DQX1: variants seen among roughly 807,000 people sequenced by gnomAD.
DQX1 encodes DEAQ-box RNA dependent ATPase 1, also known as ATP-dependent RNA helicase homolog DQX1.
A neutral mutation model predicts 81.3 loss-of-function variants in DQX1; 66 were observed. That is an observed-to-expected ratio of 0.81 (90% CI 0.67 to 1.00). The LOEUF is 1.00. Ranked by LOEUF, DQX1 falls within the 50% of genes least tolerant of loss-of-function variation. The pLI, the probability that DQX1 is intolerant of heterozygous loss-of-function variation, is 0.00. For synonymous variants in DQX1, 290 were observed against 350.0 expected (o/e 0.83, Z 1.91); for missense variants, 798 against 867.9 (o/e 0.92, Z 1.01).
Position 74,518,718 on chromosome 2 carries a change from C to A in DQX1, c.1998-116G>T. 3.0e-6 allele frequency: 3 copies of A among 1,004,884 alleles called. No homozygotes were observed. The East Asian group carries it at 7.7e-5, about 26-fold the overall frequency. The allele number at this position is 1,004,884 out of a possible 1,614,324, so 62.2% of individuals were successfully genotyped here. On this transcript the variant is annotated intron_variant, in intron 11 of 11. Transcript: ENST00000404568. Reference sequence around the variant, plus strand: ...CTGGAGTTCAGTGGCATGATCATAACTCACTGTAGCCTTAGACTCCCGTAA... The same window carrying A: ...CTGGAGTTCAGTGGCATGATCATAAATCACTGTAGCCTTAGACTCCCGTAA...
chr2:74,519,105 G>A lies in DQX1; in HGVS notation c.1932C>T (p.Leu644=). 1 of 1,610,430 alleles carries A rather than the reference G, an allele frequency of 6.2e-7. No homozygotes were observed. Residue 644 remains leucine, a synonymous_variant, in exon 11 of 12, where the codon CTC becomes CTT. Transcript: ENST00000404568. ...RAPARPPPWV[L]YHNFTISKDN... ...CTTTGGATATGGTGAAATTGTGGTAGAGCACCCATGGTGGGGGTCTGGCAG... is the reference window on the plus strand; with the variant it reads ...CTTTGGATATGGTGAAATTGTGGTAAAGCACCCATGGTGGGGGTCTGGCAG...
At chr2:74,518,734 A>T in intron 11 of DQX1, 132 bp from the exon 12 acceptor site, 1 of 885,350 alleles carries the variant, frequency 1.1e-6, no homozygotes, top group Non-Finnish European at 1.7e-6. Flanking sequence ...GTAGCCTTAG[A>T]CTCCCGTAAT....
Position 74,519,704 on chromosome 2 carries a change from C to T in DQX1, c.1658G>A (p.Trp553Ter). The change falls in exon 10 of 12, where the codon TGG becomes TAG. Residue 553 changes from tryptophan to a stop codon, truncating the protein, a stop_gained. Transcript: ENST00000404568. LOFTEE classifies it high-confidence loss of function. The stretch of plus-strand genomic sequence containing the variant: ...TTTATGGGCTTGGCACAATGCTGCC[C>T]AATTCAGACCTCGAGCCTGGCACCA... The part of the protein sequence containing the change: ...EAWCQARGLN[W>*]AALCQAHKLR... 6.2e-7 allele frequency: 1 copy of T among 1,614,198 alleles called. No homozygotes were observed. The highest frequency in any genetic ancestry group is 8.5e-7 in the Non-Finnish European group (1 of 1,180,046).
intron 8 of DQX1, 73 bp downstream of exon 8, chr2:74,522,507 C>T (rs1675054305): frequency 1.9e-6 from 3 of 1,542,164 alleles, no homozygotes; most frequent in Non-Finnish European, 1.8e-6. Flanking sequence ...GGGCTAGCCT[C>T]AGGAGCACCA....
intron 10 of DQX1, 34 bp from the exon 11 acceptor site, chr2:74,519,264 TAAAAG>T (rs1210709548): frequency 1.3e-6 from 2 of 1,525,922 alleles, no homozygotes; most frequent in Non-Finnish European, 1.8e-6. Context: ...ACGGAATAAA[TAAAAG>T]GGAAGAGGCA....
At position 74,524,008 on chromosome 2, in the gene DQX1, C is replaced by T. The variant is rs775299395; in HGVS notation, c.731G>A (p.Arg244Gln). 2.6e-5 allele frequency: 42 copies of T among 1,614,048 alleles called. No individual in the cohort carries two copies. The highest frequency in any genetic ancestry group is 2.5e-4 in the Admixed American group (15 of 60,014). The change falls in exon 4 of 12, where the codon CGG becomes CAG. Residue 244 changes from arginine (R) to glutamine (Q), a missense_variant. By Grantham distance (43) the Arg-to-Gln change is conservative. Transcript: ENST00000404568. ...PIYWDTIPPD[R>Q]VEAACQAVLE... ...CACTGCTTGGCAGGCAGCTTCCACC[C>T]GATCAGGTGGGATGGTGTCCCAGTA...
At position 74,522,852 on chromosome 2, in the gene DQX1, TC is replaced by T; in HGVS notation, c.1303+3del. 6.2e-7 allele frequency: 1 copy of T among 1,613,066 alleles called. No homozygotes were observed. Among genetic ancestry groups the T allele is most frequent in the Non-Finnish European group, 8.5e-7 (1 of 1,179,116 alleles). On this transcript the variant is annotated splice_donor_region_variant and intron_variant, in intron 7 of 11. Transcript: ENST00000404568. ...GGCAGTGCTTGGGCAGGAGAGGTGCTCACCAGGCTGGTCCAGGAAGTGACAC... is the reference window on the plus strand; with the variant it reads ...GGCAGTGCTTGGGCAGGAGAGGTGCTACCAGGCTGGTCCAGGAAGTGACAC...
chr2:74,521,140 T>TTA (rs1480388445), intron 8 of DQX1, among the ~76,000 whole-genome samples: 2 of 151,998 alleles, frequency 1.3e-5, no homozygotes, highest in African/African-American at 2.4e-5. Flanking sequence ...ATGAATATAT[T>TTA]TATATATATA....
At position 74,520,018 on chromosome 2, in the gene DQX1, G is replaced by C. The variant is rs1410952099; in HGVS notation, c.1512C>G (p.Thr504=). The change falls in exon 9 of 12, where the codon ACC becomes ACG. Residue 504 remains threonine (T), a synonymous_variant. Transcript: ENST00000404568. ...CTTCTTCTGCACTGAGTGGAGGACGGGTAAACCCAGGGGCAGCTGGAGGCA... is the reference window on the plus strand; with the variant it reads ...CTTCTTCTGCACTGAGTGGAGGACGCGTAAACCCAGGGGCAGCTGGAGGCA... ...AAMLTAAPGF[T]RPPLSAEEAA... The C allele has an allele frequency of 1.9e-6, 3 of 1,613,294 alleles. No homozygotes were observed. Among genetic ancestry groups the C allele is most frequent in the South Asian group, 2.2e-5 (2 of 91,024 alleles).
Position 74,524,329 on chromosome 2 carries a change from A to T in DQX1, c.432-22T>A, listed in dbSNP as rs746835903. ...GAACCTGTTGACATTGGTAGTGGGC[A>T]GAGGAATCAGTGTGGACACTGACCA... On this transcript the variant is annotated intron_variant, in intron 3 of 11. Coordinates refer to ENST00000404568, the MANE Select transcript of DQX1 (RefSeq NM_133637.3). 3.8e-6 allele frequency: 6 copies of T among 1,598,584 alleles called. No homozygotes were observed. The Admixed American group carries it at 5.0e-5, about 13-fold the overall frequency.
Position 74,525,001 on chromosome 2 carries a change from G to GC in DQX1, c.431+7dup. ...TTATATTCGGGTAAGGCCTGCAGAG[G>GC]CCCCCACCTGAGCAGGGTGTTGGGC... On this transcript the variant is annotated splice_region_variant and intron_variant, in intron 3 of 11. Coordinates refer to ENST00000404568, the MANE Select transcript of DQX1 (RefSeq NM_133637.3). This position sits in a 1 kb window ranked among gnomAD's most constrained non-coding sequence, Gnocchi z 4.1. 6.2e-7 allele frequency: 1 copy of GC among 1,610,834 alleles called. No homozygotes were observed. Among genetic ancestry groups the GC allele is most frequent in the Non-Finnish European group, 8.5e-7 (1 of 1,177,972 alleles).
In DQX1 at chr2:74,519,023, G is replaced by C. The variant is rs757360878; in HGVS notation, c.1997+17C>G. On this transcript the variant is annotated intron_variant, in intron 11 of 11. Transcript: ENST00000404568. Reference sequence around the variant, plus strand: ...GGAGAGGAATAGGCAGTATAGGAGGGATGTCAGGGAACTCACATCTGTGGT... The same window carrying C: ...GGAGAGGAATAGGCAGTATAGGAGGCATGTCAGGGAACTCACATCTGTGGT... The C allele has an allele frequency of 6.4e-7, 1 of 1,557,026 alleles. No individual in the cohort carries two copies. The highest frequency in any genetic ancestry group is 2.3e-5 in the East Asian group (1 of 44,280).
chr2:74,522,036 A>G (rs1266821726), intron 8 of DQX1, among the ~76,000 whole-genome samples: 1 of 152,226 alleles, frequency 6.6e-6, no homozygotes, highest in East Asian at 1.9e-4. Flanking sequence ...AGCTCAAGGA[A>G]AAGATAAAGG....
chr2:74,525,618 G>C lies in DQX1; in HGVS notation c.112C>G (p.Leu38Val), dbSNP rs1433991788. The C allele has an allele frequency of 5.2e-6, 8 of 1,551,696 alleles. No individual in the cohort carries two copies. The highest frequency in any genetic ancestry group is 7.0e-6 in the Non-Finnish European group (8 of 1,147,030). Residue 38 changes from leucine (L) to valine (V), a missense_variant, in exon 2 of 12, where the codon CTG (leucine) becomes GTG (valine). Coordinates refer to ENST00000404568, the MANE Select transcript of DQX1 (RefSeq NM_133637.3). This position sits in a 1 kb window ranked among gnomAD's most constrained non-coding sequence, Gnocchi z 4.1. The part of the protein sequence containing the change: ...GLPFSSRYYE[L>V]LKQRQALPIW... ...GGCAAGGCTTGGCGCTGCTTCAGCA[G>C]CTCATAGTAGCGGGAAGAGAAGGGA...
At chr2:74,524,915 G>A (rs1675130717) in intron 3 of DQX1, 94 bp downstream of exon 3, 3 of 1,408,510 alleles carry the variant, frequency 2.1e-6, no homozygotes, top group South Asian at 1.3e-5. Context: ...AGTGAGTTGG[G>A]CTAAGGGAGG....
Position 74,519,684 on chromosome 2 carries a change from G to A in DQX1, c.1678C>T (p.His560Tyr), listed in dbSNP as rs1674974360. The A allele has an allele frequency of 1.2e-6, 2 of 1,614,056 alleles. No homozygotes were observed. Among genetic ancestry groups the A allele is most frequent in the African/African-American group, 1.3e-5 (1 of 74,906 alleles). Reference sequence around the variant, plus strand: ...TCTAGGAGTTCTCCCCGAAGTTTATGGGCTTGGCACAATGCTGCCCAATTC... The same window carrying A: ...TCTAGGAGTTCTCCCCGAAGTTTATAGGCTTGGCACAATGCTGCCCAATTC... ...GLNWAALCQA[H>Y]KLRGELLELM... The change falls in exon 10 of 12, where the codon CAT (histidine) becomes TAT (tyrosine). Residue 560 changes from histidine to tyrosine, a missense_variant. Transcript: ENST00000404568.
intron 8 of DQX1, among the ~76,000 whole-genome samples, chr2:74,522,271 A>G (rs1675048632): frequency 6.6e-6 from 1 of 152,200 alleles, no homozygotes; most frequent in Non-Finnish European, 1.5e-5. Flanking sequence ...TGGGTGAGCA[A>G]TACACCAGTT....
chr2:74,518,389 C>T lies in DQX1; in HGVS notation c.*57G>A. The stretch of plus-strand genomic sequence containing the variant: ...TCTGTCTGGGTGCTTTGGTGTCACC[C>T]TGAGGGATAATCTAATGTGATGAGA... On this transcript the variant is annotated 3_prime_UTR_variant, in exon 12 of 12. Transcript: ENST00000404568. The T allele has an allele frequency of 6.3e-7, 1 of 1,590,554 alleles. No homozygotes were observed. The highest frequency in any genetic ancestry group is 8.6e-7 in the Non-Finnish European group (1 of 1,164,526).
At chr2:74,522,020 A>G (rs979775338) in intron 8 of DQX1, among the ~76,000 whole-genome samples, 1 of 152,368 alleles carries the variant, frequency 6.6e-6, no homozygotes, top group African/African-American at 2.4e-5. Context: ...TAAGAAGAGG[A>G]CAAAGAGCTC....
Sources: allele counts gnomAD v4.1 joint callset (sites outside exome capture counted in the v4.1 genomes callset), GRCh38; gene constraint gnomAD v4.1.1; non-coding constraint Gnocchi (gnomAD v3.1); transcripts MANE v1.5; gene names NCBI Gene and HGNC (gene_info 2026-07-23, HGNC 2026-07-21).